The following KIF16B variants were observed in gnomAD, a reference collection of about 807,000 sequenced individuals.
The protein encoded by KIF16B is kinesin-like protein KIF16B.
In KIF16B, 98 loss-of-function variants were observed where a neutral mutation model predicts 156.3. That is an observed-to-expected ratio of 0.63 (90% CI 0.53 to 0.74). The LOEUF is 0.74. Ranked by LOEUF, KIF16B falls within the 30% of genes least tolerant of loss-of-function variation. The pLI is 0.00. For synonymous variants in KIF16B, 564 were observed against 583.7 expected (o/e 0.97, Z 0.49); for missense variants, 1,421 against 1,606.5 (o/e 0.88, Z 1.97).
chr20:16,567,473 C>G lies in KIF16B; in HGVS notation c.47+5756G>C, dbSNP rs928708267. ...TTTTGTGTGTTGTGTATTCTCTGATCGGCATTTCCCTGAGGCCATGGGCTT... is the reference window on the plus strand; with the variant it reads ...TTTTGTGTGTTGTGTATTCTCTGATGGGCATTTCCCTGAGGCCATGGGCTT... On this transcript the variant is annotated intron_variant, in intron 1 of 25. Transcript: ENST00000354981. Among the ~76,000 whole-genome samples, 3 of 152,130 alleles carry G rather than the reference C, an allele frequency of 2.0e-5. No individual in the cohort carries two copies. In the East Asian group the frequency reaches 5.8e-4, roughly 29 times the overall value.
intron 1 of KIF16B, among the ~76,000 whole-genome samples, chr20:16,551,505 C>T (rs907732839): frequency 6.6e-6 from 1 of 152,180 alleles, no homozygotes; most frequent in Non-Finnish European, 1.5e-5. Flanking sequence ...CTTCTGACTC[C>T]TTGCTGGTGC....
At chr20:16,507,049 G>A (rs367616803) in intron 7 of KIF16B, among the ~76,000 whole-genome samples, 15 of 150,904 alleles carry the variant, frequency 9.9e-5, no homozygotes, top group African/African-American at 1.9e-4. Flanking sequence ...GCAGTGAGCC[G>A]TGATCACACC....
chr20:16,316,140 A>T (rs2063694492), intron 24 of KIF16B, among the ~76,000 whole-genome samples: 1 of 152,174 alleles, frequency 6.6e-6, no homozygotes, highest in Non-Finnish European at 1.5e-5. Context: ...TGTAAGTTAA[A>T]AACTGTTGAG....
At chr20:16,440,918 C>T (rs190718803) in intron 12 of KIF16B, among the ~76,000 whole-genome samples, 14 of 152,228 alleles carry the variant, frequency 9.2e-5, no homozygotes, top group Middle Eastern at 6.8e-3. Context: ...AGCAAATCAT[C>T]GAGATGTCAG....
chr20:16,382,093 T>A (rs1490287170), intron 17 of KIF16B: 1 of 1,350,132 alleles, frequency 7.4e-7, no homozygotes, highest in Admixed American at 2.0e-5. Context: ...ATGGAGAATC[T>A]CTACCTTAGA....
chr20:16,507,099 C>CGAA (rs11087172), intron 7 of KIF16B, among the ~76,000 whole-genome samples: 2 of 124,660 alleles, frequency 1.6e-5, no homozygotes, highest in African/African-American at 3.2e-5. Context: ...AATCATGTCT[C>CGAA]AAAAAAAAAA....
At chr20:16,568,027 T>C (rs1172808445) in intron 1 of KIF16B, among the ~76,000 whole-genome samples, 1 of 152,272 alleles carries the variant, frequency 6.6e-6, no homozygotes, top group Non-Finnish European at 1.5e-5. Context: ...ATACAAGACA[T>C]GTCTGTCCTC....
intron 25 of KIF16B, among the ~76,000 whole-genome samples, chr20:16,274,904 TTC>T (rs2063038174): frequency 6.6e-6 from 1 of 152,318 alleles, no homozygotes; most frequent in African/African-American, 2.4e-5. Context: ...AAAGAAGACA[TTC>T]TACTCAACGA....
In KIF16B at chr20:16,432,551, G is replaced by C. The variant is rs141528935; in HGVS notation, c.1303-2569C>G. 1.1e-3 allele frequency among the ~76,000 whole-genome samples: 175 copies of C among 152,284 alleles called. 1 individual carries two copies. Among genetic ancestry groups the C allele is most frequent in the African/African-American group, 4.0e-3 (166 of 41,574 alleles). ...TACCATTCGCTAGGTGATGGATTCA[G>C]AACTTCTCAAGCTAGTGTAAGACCA... On this transcript the variant is annotated intron_variant, in intron 12 of 25. Coordinates refer to ENST00000354981, the MANE Select transcript of KIF16B (RefSeq NM_024704.5).
intron 12 of KIF16B, among the ~76,000 whole-genome samples, chr20:16,490,993 T>C (rs769495966): frequency 8.5e-5 from 13 of 152,066 alleles, no homozygotes; most frequent in Admixed American, 1.3e-4. Context: ...AAGAAACCAA[T>C]ACCACCTAAC....
chr20:16,326,831 C>G (rs1456502747), intron 24 of KIF16B, among the ~76,000 whole-genome samples: 1 of 151,452 alleles, frequency 6.6e-6, no homozygotes, highest in African/African-American at 2.4e-5. Flanking sequence ...GGGTATCGAC[C>G]CAGAGGAAAA....
chr20:16,301,302 T>C (rs2063468331), intron 25 of KIF16B, among the ~76,000 whole-genome samples: 2 of 152,260 alleles, frequency 1.3e-5, no homozygotes, highest in African/African-American at 4.8e-5. Context: ...TAAACATTTA[T>C]GTGCAGATCT....
Position 16,573,327 on chromosome 20 carries a change from G to A in KIF16B, c.-52C>T. 1 of 1,594,728 alleles carries A rather than the reference G, an allele frequency of 6.3e-7. No homozygotes were observed. Among genetic ancestry groups the A allele is most frequent in the Non-Finnish European group, 8.6e-7 (1 of 1,168,900 alleles). Reference sequence around the variant, plus strand: ...GGTCCCACTAGCCCAGAACTCCGCGGTCGCCGGCGACGCTGGCTACTCAGA... The same window carrying A: ...GGTCCCACTAGCCCAGAACTCCGCGATCGCCGGCGACGCTGGCTACTCAGA... On this transcript the variant is annotated 5_prime_UTR_variant, in exon 1 of 26. Transcript: ENST00000354981.
chr20:16,388,328 A>G (rs2065275544), intron 17 of KIF16B, among the ~76,000 whole-genome samples: 1 of 152,208 alleles, frequency 6.6e-6, no homozygotes, highest in Non-Finnish European at 1.5e-5. Flanking sequence ...ATAATCAATG[A>G]TAATTATTTG....
intron 25 of KIF16B, among the ~76,000 whole-genome samples, chr20:16,291,452 CTATG>C (rs1191629946): frequency 6.6e-6 from 1 of 152,186 alleles, no homozygotes; most frequent in Non-Finnish European, 1.5e-5. Flanking sequence ...AGCCTGAAAA[CTATG>C]TAAGCATCAG....
intron 15 of KIF16B, among the ~76,000 whole-genome samples, chr20:16,426,228 AT>A (rs2066348368): frequency 6.6e-6 from 1 of 151,010 alleles, no homozygotes; most frequent in Non-Finnish European, 1.5e-5. Context: ...CTGACCTACT[AT>A]TTTCAAAACT....
chr20:16,328,770 G>A (rs2063899087), intron 24 of KIF16B, among the ~76,000 whole-genome samples: 1 of 152,132 alleles, frequency 6.6e-6, no homozygotes, highest in Admixed American at 6.6e-5. Flanking sequence ...TACCTGCTGA[G>A]GTCTTGTTCT....
chr20:16,565,306 T>C (rs6044120), intron 1 of KIF16B, among the ~76,000 whole-genome samples: 96,200 of 152,100 alleles, frequency 0.63, 30,811 homozygotes, highest in African/African-American at 0.73. Flanking sequence ...GCACAGCCCA[T>C]AGAGCCGTGA....
chr20:16,318,440 C>T (rs898633124), intron 24 of KIF16B, among the ~76,000 whole-genome samples: 7 of 152,146 alleles, frequency 4.6e-5, no homozygotes, highest in African/African-American at 1.7e-4. Flanking sequence ...CGAGCCAGTT[C>T]TTGGAGAAAC....
Sources: gnomAD v4.1 joint callset for allele counts (sites outside exome capture counted in the v4.1 genomes callset) on GRCh38, gnomAD v4.1.1 for gene constraint, MANE v1.5 for transcripts, NCBI Gene and HGNC (gene_info 2026-07-23, HGNC 2026-07-21) for gene names.